Variants in PHLDB2 observed in about 807,000 individuals in gnomAD.
The protein encoded by PHLDB2 is pleckstrin homology like domain family B member 2.
PHLDB2 carries 71 observed loss-of-function variants against 123.6 expected under a neutral mutation model. The observed-to-expected ratio is 0.57, with a 90% CI of 0.47 to 0.70. PHLDB2 has a LOEUF of 0.70. Among genes scored for constraint, PHLDB2 ranks in the 30% least tolerant of loss-of-function variants. The pLI is 0.00. For missense variants in PHLDB2, 1,446 were observed against 1,519.5 expected (o/e 0.95, Z 0.80); for synonymous variants, 547 against 541.6 (o/e 1.01, Z -0.14).
chr3:111,792,934 G>T (rs2060989869), intron 1 of PHLDB2, among the ~76,000 whole-genome samples: 1 of 152,132 alleles, frequency 6.6e-6, no homozygotes, highest in Non-Finnish European at 1.5e-5. Flanking sequence ...CTGAGGGTAG[G>T]GAGACACAAG....
chr3:111,748,440 T>C (rs1239315904), intron 1 of PHLDB2, among the ~76,000 whole-genome samples: 1 of 152,094 alleles, frequency 6.6e-6, no homozygotes, highest in South Asian at 2.1e-4. Context: ...GCAGGCAAAA[T>C]AGTCAAAAGT....
chr3:111,797,920 C>G (rs2061229982), intron 1 of PHLDB2, among the ~76,000 whole-genome samples: 1 of 152,134 alleles, frequency 6.6e-6, no homozygotes, highest in Non-Finnish European at 1.5e-5. Flanking sequence ...TCGCTTGAGC[C>G]CATGAGTTTG....
chr3:111,831,006 AAAGAAAGAAAGAAAGAAAGAAAGAAAGG>A lies in PHLDB2; in HGVS notation c.-48-14811_-48-14784del, dbSNP rs1331480682. Among the ~76,000 whole-genome samples, 16 of 111,264 alleles carry A rather than the reference AAAGAAAGAAAGAAAGAAAGAAAGAAAGG, an allele frequency of 1.4e-4. 1 individual carries two copies. The highest frequency in any genetic ancestry group is 5.0e-4 in the Admixed American group (5 of 9,920). The allele number at this position is 111,264 out of a possible 152,430, so 73.0% of individuals were successfully genotyped here. A position where few individuals can be genotyped will look rare whatever the true frequency, so the allele number is the denominator to read the frequency against. ...GAAAGAAAGAAAGAAAGAAAGAAAG[AAAGAAAGAAAGAAAGAAAGAAAGAAAGG>A]AAGGAAGGAAGAAAGAGAAAAGAGA... On this transcript the variant is annotated intron_variant, in intron 1 of 17. Transcript: ENST00000393923.
At position 111,969,765 on chromosome 3, in the gene PHLDB2, C is replaced by G. The variant is rs2072045580; in HGVS notation, c.3391C>G (p.His1131Asp). 1 of 1,614,034 alleles carries G rather than the reference C, an allele frequency of 6.2e-7. No individual in the cohort carries two copies. Among genetic ancestry groups the G allele is most frequent in the Non-Finnish European group, 8.5e-7 (1 of 1,179,910 alleles). Residue 1131 changes from histidine (H) to aspartate (D), a missense_variant, in exon 16 of 18, where the codon CAC (histidine) becomes GAC (aspartate). His to Asp is a moderately conservative substitution (Grantham distance 81). This residue lies in a region of PHLDB2 where 594 missense variants were observed against 646.0 expected (regional missense o/e 0.92). Coordinates refer to ENST00000431670, the MANE Select transcript of PHLDB2 (RefSeq NM_001134438.2). The part of the protein sequence containing the change: ...DLRSHVETAG[H>D]NIDTCYHVSI... Reference sequence around the variant, plus strand: ...GCGGAGCCATGTAGAGACTGCTGGCCACAATATTGACACCTGTTACCATGT... The same window carrying G: ...GCGGAGCCATGTAGAGACTGCTGGCGACAATATTGACACCTGTTACCATGT...
At position 111,913,584 on chromosome 3, in the gene PHLDB2, C is replaced by A. The variant is rs2068004669; in HGVS notation, c.1601C>A (p.Thr534Asn). Reference sequence around the variant, plus strand: ...AGTCAGAGCAGTGCCAGCTTCTTTACCCCCAGGAGCACCAGGAATGATGAA... The same window carrying A: ...AGTCAGAGCAGTGCCAGCTTCTTTAACCCCAGGAGCACCAGGAATGATGAA... ...SLSQSSASFF[T>N]PRSTRNDELL... is the part of the protein sequence containing the mutation. Residue 534 changes from threonine (T) to asparagine (N), a missense_variant, in exon 3 of 18, where the codon ACC (threonine) becomes AAC (asparagine). Thr to Asn is a moderately conservative substitution (Grantham distance 65, BLOSUM62 0). This residue lies in a region of PHLDB2 where 832 missense variants were observed against 831.9 expected (regional missense o/e 1.00). Transcript: ENST00000431670. The A allele has an allele frequency of 1.9e-6, 3 of 1,614,152 alleles. No individual in the cohort carries two copies. The highest frequency in any genetic ancestry group is 3.3e-4 in the Middle Eastern group (2 of 6,062).
chr3:111,734,617 A>G (rs957253166), intron 1 of PHLDB2, among the ~76,000 whole-genome samples: 1 of 152,146 alleles, frequency 6.6e-6, no homozygotes, highest in East Asian at 1.9e-4. Context: ...GAGGGAGACT[A>G]TTCTTCAGAT....
rs546326752 is a variant in PHLDB2, at chr3:111,878,290, A to G, written c.-14-5774A>G. On this transcript the variant is annotated intron_variant, in intron 1 of 17. Coordinates refer to ENST00000431670, the MANE Select transcript of PHLDB2 (RefSeq NM_001134438.2). ...CACATCCCTTGTAAGTTGGATTCCT[A>G]GGTATTTTATTCTCTTTGTAGCAAT... Among the ~76,000 whole-genome samples, 15 of 152,122 alleles carry G rather than the reference A, an allele frequency of 9.9e-5. 1 individual carries two copies. In the South Asian group the frequency reaches 3.1e-3, roughly 32 times the overall value.
chr3:111,957,980 G>A (rs1458546344), intron 12 of PHLDB2: 1 of 152,114 alleles, frequency 6.6e-6, no homozygotes, highest in Non-Finnish European at 1.5e-5. Context: ...ATGTGTGAAA[G>A]ATTTATTTGT....
At chr3:111,749,438 G>T (rs1346726127) in intron 1 of PHLDB2, among the ~76,000 whole-genome samples, 1 of 152,088 alleles carries the variant, frequency 6.6e-6, no homozygotes, top group South Asian at 2.1e-4. Flanking sequence ...AATTATATTC[G>T]TAAGCAAGAT....
At chr3:111,940,746 A>T (rs543378593) in intron 8 of PHLDB2, 101 bp downstream of exon 8, 4 of 517,918 alleles carry the variant, frequency 7.7e-6, no homozygotes, top group Admixed American at 8.2e-5. Flanking sequence ...GTGAATGTCT[A>T]TACAATTTAA....
At chr3:111,952,464 T>C in intron 10 of PHLDB2, 108 bp from the exon 11 acceptor site, 1 of 1,253,408 alleles carries the variant, frequency 8.0e-7, no homozygotes, top group Non-Finnish European at 1.1e-6. Context: ...TTAAGAAAAA[T>C]TCTGTTAAAA....
intron 1 of PHLDB2, among the ~76,000 whole-genome samples, chr3:111,810,203 C>A (rs2061767255): frequency 6.6e-6 from 1 of 152,090 alleles, no homozygotes; most frequent in Non-Finnish European, 1.5e-5. Flanking sequence ...CTAACCACAA[C>A]CTGAGAGCAC....
intron 8 of PHLDB2, among the ~76,000 whole-genome samples, chr3:111,942,214 G>C (rs1253271898): frequency 6.6e-6 from 1 of 152,144 alleles, no homozygotes; most frequent in Admixed American, 6.5e-5. Context: ...GATACAATTA[G>C]ATTGTAAAAA....
chr3:111,795,181 T>C (rs1306020698), intron 1 of PHLDB2, among the ~76,000 whole-genome samples: 1 of 152,104 alleles, frequency 6.6e-6, no homozygotes, highest in African/African-American at 2.4e-5. Context: ...ACCCTCAGAG[T>C]TGCACTTCTT....
intron 12 of PHLDB2, chr3:111,958,591 CTGGTT>C: frequency 2.5e-6 from 1 of 394,258 alleles, no homozygotes; most frequent in Non-Finnish European, 4.9e-6. Flanking sequence ...AAGAGCTGAA[CTGGTT>C]TGGGTTCCTT....
At chr3:111,967,932 C>A in intron 15 of PHLDB2, 108 bp downstream of exon 15, 3 of 604,672 alleles carry the variant, frequency 5.0e-6, no homozygotes, top group South Asian at 3.1e-5. Flanking sequence ...TGAGCATTAG[C>A]ACTTGACATG....
intron 1 of PHLDB2, among the ~76,000 whole-genome samples, chr3:111,824,365 C>T (rs748020849): frequency 5.3e-5 from 8 of 152,162 alleles, no homozygotes; most frequent in Non-Finnish European, 7.3e-5. Context: ...TTCTTCCTTT[C>T]CAACAGAATG....
intron 14 of PHLDB2, 121 bp downstream of exon 14, chr3:111,966,824 T>A: frequency 1.5e-6 from 1 of 680,892 alleles, no homozygotes; most frequent in South Asian, 2.0e-5. Context: ...CACTCAACCT[T>A]TCTCAGTCTC....
intron 16 of PHLDB2, among the ~76,000 whole-genome samples, chr3:111,970,955 A>G (rs1231297302): frequency 6.6e-6 from 1 of 152,064 alleles, no homozygotes; most frequent in Non-Finnish European, 1.5e-5. Context: ...AGAGTGGCTC[A>G]GGAGCCCCAG....
Sources: gnomAD v4.1 joint callset for allele counts (sites outside exome capture counted in the v4.1 genomes callset) on GRCh38, gnomAD v4.1.1 for gene constraint, gnomAD v4.1.1 regional missense constraint, MANE v1.5 for transcripts, NCBI Gene and HGNC (gene_info 2026-07-23, HGNC 2026-07-21) for gene names.